Variants in ASB11 observed in about 807,000 individuals in gnomAD.
ASB11 encodes ankyrin repeat and SOCS box containing 11.
A neutral mutation model predicts 20.1 loss-of-function variants in ASB11; 17 were observed. The observed-to-expected ratio is 0.85, with a 90% CI of 0.58 to 1.27. The LOEUF (loss-of-function observed/expected upper bound fraction) is 1.27, where lower values mean the gene tolerates loss of function less well. Among genes scored for constraint, ASB11 ranks in the 50% most tolerant of loss-of-function variants. ASB11 has a pLI of 0.00. For missense variants in ASB11, 259 were observed against 256.9 expected, an observed-to-expected ratio of 1.01 and a Z score of -0.06; for synonymous variants, 107 against 105.6, an observed-to-expected ratio of 1.01 and a Z score of -0.08.
intron 1 of ASB11, among the ~76,000 whole-genome samples, chrX:15,305,344 A>C (rs189682977): frequency 9.0e-6 from 1 of 111,726 alleles, no homozygotes; most frequent in East Asian, 2.8e-4. Flanking sequence ...CTGTGCACCA[A>C]CCCAAACTGA....
chrX:15,314,480 G>A, intron 1 of ASB11: 1 of 1,200,644 alleles, frequency 8.3e-7, no homozygotes, highest in Non-Finnish European at 1.1e-6. Context: ...CCAGTTAATT[G>A]AAGCATTCTG....
chrX:15,311,864 A>T (rs1921439585), intron 1 of ASB11, among the ~76,000 whole-genome samples: 1 of 111,390 alleles, frequency 9.0e-6, no homozygotes, highest in Non-Finnish European at 1.9e-5. Context: ...CACTATAGAA[A>T]GATCAAAATG....
chrX:15,309,967 CAAAAAA>C (rs60765469), intron 1 of ASB11, among the ~76,000 whole-genome samples: 5 of 15,528 alleles, frequency 3.2e-4, no homozygotes, highest in Admixed American at 8.2e-4. Context: ...GACTCCGTCT[CAAAAAA>C]AAAAAAAAAA....
intron 6 of ASB11, among the ~76,000 whole-genome samples, chrX:15,286,948 T>C (rs777450735): frequency 1.8e-5 from 2 of 111,914 alleles, no homozygotes; most frequent in Admixed American, 1.9e-4. Flanking sequence ...ATAATCAATA[T>C]AGGCTCCGAA....
intron 3 of ASB11, among the ~76,000 whole-genome samples, chrX:15,295,417 G>A (rs1920958135): frequency 8.9e-6 from 1 of 112,040 alleles, no homozygotes; most frequent in South Asian, 3.7e-4. Flanking sequence ...GATAGACTTG[G>A]GAAAAACTTA....
chrX:15,288,601 C>T (rs1927449961), intron 5 of ASB11, among the ~76,000 whole-genome samples: 1 of 111,307 alleles, frequency 9.0e-6, no homozygotes, highest in African/African-American at 3.3e-5. Context: ...TTCATTTTTC[C>T]GGCCGGGCAC....
Position 15,283,314 on chromosome X carries a change from T to C in ASB11, c.*191A>G. The C allele has an allele frequency of 2.1e-6, 1 of 471,466 alleles. No homozygotes were observed. Among genetic ancestry groups the C allele is most frequent in the Admixed American group, 3.8e-5 (1 of 26,580 alleles). 38.9% of individuals were successfully genotyped at this position (471,466 alleles called of 1,213,427 possible). A position where few individuals can be genotyped will look rare whatever the true frequency, so the allele number is the denominator to read the frequency against. ...AGCTAAATGGTTTCTACTTGCCCCT[T>C]GGTTAATGAGAACATTAAACTAACC... is the stretch of plus-strand genomic sequence containing the variant. On this transcript the variant is annotated 3_prime_UTR_variant, in exon 7 of 7. Coordinates refer to ENST00000480796, the MANE Select transcript of ASB11 (RefSeq NM_080873.3).
intron 3 of ASB11, 110 bp from the exon 4 acceptor site, chrX:15,293,430 G>T (rs1011150463): frequency 9.1e-6 from 8 of 877,136 alleles, no homozygotes; most frequent in African/African-American, 8.1e-5. Context: ...TGGTGAATAA[G>T]TGAGGGAACT....
At chrX:15,295,322 T>C (rs1333559876) in intron 3 of ASB11, among the ~76,000 whole-genome samples, 1 of 112,279 alleles carries the variant, frequency 8.9e-6, no homozygotes, top group Non-Finnish European at 1.9e-5. Context: ...ATTACAGGCG[T>C]GAGCCACTGT....
chrX:15,304,734 G>C (rs770746266), intron 1 of ASB11, among the ~76,000 whole-genome samples: 55 of 111,686 alleles, frequency 4.9e-4, no homozygotes, highest in African/African-American at 1.7e-3. Context: ...AAAAATTAGG[G>C]TGTGGTGGTG....
chrX:15,284,736 GC>G (rs1927325314), intron 6 of ASB11, among the ~76,000 whole-genome samples: 1 of 111,698 alleles, frequency 9.0e-6, no homozygotes, highest in African/African-American at 3.3e-5. Context: ...GGATGAATGA[GC>G]TTTTGGCTGC....
intron 3 of ASB11, among the ~76,000 whole-genome samples, chrX:15,297,314 A>AAAAC (rs1920975758): frequency 8.9e-6 from 1 of 111,844 alleles, no homozygotes; most frequent in African/African-American, 3.3e-5. Flanking sequence ...CAAAACAAAA[A>AAAAC]AAAAACATGG....
chrX:15,293,143 TC>T, intron 4 of ASB11, 26 bp downstream of exon 4: 25 of 1,198,987 alleles, frequency 2.1e-5, no homozygotes, highest in Non-Finnish European at 2.8e-5. Flanking sequence ...CATCAATGTT[TC>T]ACATGCATTG....
At chrX:15,290,230 T>C (rs1016655287) in intron 4 of ASB11, among the ~76,000 whole-genome samples, 4 of 110,695 alleles carry the variant, frequency 3.6e-5, no homozygotes, top group African/African-American at 6.6e-5. Flanking sequence ...AGTAGCACAG[T>C]TGAAATCACT....
chrX:15,301,570 C>T (rs1377199319), intron 2 of ASB11, among the ~76,000 whole-genome samples: 1 of 111,502 alleles, frequency 9.0e-6, no homozygotes. Flanking sequence ...GAGAGCAGTG[C>T]ACCCAGTGGT....
At chrX:15,314,566 T>C in intron 1 of ASB11, 1 of 1,049,520 alleles carries the variant, frequency 9.5e-7, no homozygotes, top group Non-Finnish European at 1.2e-6. Context: ...GTCTAGTGTA[T>C]TGGAATCACA....
chrX:15,302,591 G>A (rs1459030717), intron 2 of ASB11, 137 bp downstream of exon 2: 11 of 534,169 alleles, frequency 2.1e-5, no homozygotes, highest in Non-Finnish European at 3.1e-5. Context: ...AGTGAGGTAT[G>A]AGAGGACATA....
intron 1 of ASB11, among the ~76,000 whole-genome samples, chrX:15,308,485 T>TGAAA (rs1305147203): frequency 2.2e-4 from 25 of 111,853 alleles, no homozygotes; most frequent in African/African-American, 7.2e-4. Context: ...TCTAAGCAGA[T>TGAAA]TTCCAACTTG....
chrX:15,283,709 G>C, intron 6 of ASB11, 80 bp from the exon 7 acceptor site: 1 of 1,108,907 alleles, frequency 9.0e-7, no homozygotes, highest in Middle Eastern at 3.1e-4. Context: ...AACTGGAAGA[G>C]GCGGAAATTT....
Sources: gnomAD v4.1 joint callset for allele counts (sites outside exome capture counted in the v4.1 genomes callset) on GRCh38, gnomAD v4.1.1 for gene constraint, MANE v1.5 for transcripts, NCBI Gene and HGNC (gene_info 2026-07-23, HGNC 2026-07-21) for gene names.